The following SLC45A4 variants were observed in gnomAD, a reference collection of about 807,000 sequenced individuals.
SLC45A4 encodes solute carrier family 45 member 4, also known as polyamine-transporter SLC45A4.
Under a neutral mutation model 63.7 loss-of-function variants are expected in SLC45A4, and 32 were observed. That is an observed-to-expected ratio of 0.50 (90% CI 0.38 to 0.67). The LOEUF (loss-of-function observed/expected upper bound fraction) is 0.67. Ranked by LOEUF, SLC45A4 falls within the 30% of genes least tolerant of loss-of-function variation. The pLI is 0.00. For missense variants in SLC45A4, 1,027 were observed against 1,157.7 expected, an observed-to-expected ratio of 0.89 and a Z score of 1.64; for synonymous variants, 535 against 510.0, an observed-to-expected ratio of 1.05 and a Z score of -0.66.
At position 141,218,676 on chromosome 8, in the gene SLC45A4, G is replaced by A; in HGVS notation, c.964C>T (p.Pro322Ser). 6.2e-7 allele frequency: 1 copy of A among 1,613,028 alleles called. No homozygotes were observed. The highest frequency in any genetic ancestry group is 1.3e-5 in the African/African-American group (1 of 75,028). ...HVPDTALDLE[P>S]ELLFLHDIEP... ...ATGTCGTGCAGGAACAGCAGCTCGG[G>A]CTCCAGGTCCAGCGCGGTGTCCGGC... The change falls in exon 5 of 9, where the codon CCC becomes TCC. Residue 322 changes from proline to serine, a missense_variant. Pro to Ser is a moderately conservative substitution (Grantham distance 74). Transcript: ENST00000517878.
At chr8:141,211,901 C>A in intron 8 of SLC45A4, 1 of 1,246,346 alleles carries the variant, frequency 8.0e-7, no homozygotes, top group Non-Finnish European at 1.0e-6. Context: ...AATACACCTG[C>A]AGAATAAAAG....
Position 141,215,919 on chromosome 8 carries a change from T to C in SLC45A4, c.1781A>G (p.Tyr594Cys). Residue 594 changes from tyrosine (Y) to cysteine (C), a missense_variant, in exon 7 of 9, where the codon TAC becomes TGC. Physicochemically the swap from Tyr to Cys is radical, Grantham distance 194. Transcript: ENST00000517878. This position sits in a 1 kb window ranked among gnomAD's most constrained non-coding sequence, Gnocchi z 4.3. ...DNYDLSVRVI[Y>C]VLGTLGFSVG... The stretch of plus-strand genomic sequence containing the variant: ...AGAGAAGCCCAGCGTCCCCAGCACG[T>C]AGATCACCCTGACGCTCAGGTCGTA... 2 of 1,614,112 alleles carry C rather than the reference T, an allele frequency of 1.2e-6. No homozygotes were observed. Among genetic ancestry groups the C allele is most frequent in the South Asian group, 1.1e-5 (1 of 91,084 alleles).
intron 2 of SLC45A4, chr8:141,228,186 A>G (rs189028452): frequency 6.2e-7 from 1 of 1,614,070 alleles, no homozygotes; most frequent in African/African-American, 1.3e-5. Flanking sequence ...AACCTTTCTG[A>G]AGACTCCATT....
chr8:141,228,479 G>T, intron 2 of SLC45A4: 1 of 1,341,974 alleles, frequency 7.5e-7, no homozygotes. Context: ...CAGCTTGTGG[G>T]CACCTGTCTT....
chr8:141,253,843 G>A, intron 2 of SLC45A4, 146 bp downstream of exon 2: 1 of 1,304,060 alleles, frequency 7.7e-7, no homozygotes, highest in Non-Finnish European at 1.0e-6. Flanking sequence ...CACCATCAGG[G>A]CAGGCTGAAG....
chr8:141,251,812 C>G (rs559412433), intron 2 of SLC45A4, among the ~76,000 whole-genome samples: 3 of 151,330 alleles, frequency 2.0e-5, no homozygotes, highest in Non-Finnish European at 2.9e-5. Context: ...GTGACAAGAT[C>G]GAGGGATGGA....
chr8:141,276,900 C>G (rs1041080367), intron 1 of SLC45A4, among the ~76,000 whole-genome samples: 1 of 152,228 alleles, frequency 6.6e-6, no homozygotes, highest in African/African-American at 2.4e-5. Context: ...CTGAAGATAT[C>G]ACGGGCACCT....
chr8:141,280,260 G>A (rs1286203149), intron 1 of SLC45A4, among the ~76,000 whole-genome samples: 2 of 152,200 alleles, frequency 1.3e-5, no homozygotes, highest in Admixed American at 1.3e-4. Context: ...TCACTGGCTC[G>A]TGAGGGCGGG....
chr8:141,295,679 C>CTGAG (rs1311209760), intron 1 of SLC45A4, among the ~76,000 whole-genome samples: 2 of 152,358 alleles, frequency 1.3e-5, no homozygotes, highest in Middle Eastern at 3.4e-3. Flanking sequence ...GCAGCACTGA[C>CTGAG]TGAGGCCCCT....
intron 1 of SLC45A4, among the ~76,000 whole-genome samples, chr8:141,290,795 C>T (rs1563677984): frequency 6.6e-6 from 1 of 152,150 alleles, no homozygotes; most frequent in Non-Finnish European, 1.5e-5. Flanking sequence ...AGGGATGTGG[C>T]GGGGGGGCCT....
rs1212357142 is a variant in SLC45A4, at chr8:141,241,246, CAAG to C, written c.241+12740_241+12742del. On this transcript the variant is annotated intron_variant, in intron 2 of 8. Coordinates refer to ENST00000517878, the MANE Select transcript of SLC45A4 (RefSeq NM_001286646.2). The stretch of plus-strand genomic sequence containing the variant: ...CGGGCAGGCGGAGCAGCAGCACAGC[CAAG>C]AAGGGCGACAGACGGCTCACCGGCA... Among the ~76,000 whole-genome samples the C allele has an allele frequency of 4.6e-5, 7 of 152,374 alleles. No individual in the cohort carries two copies. The East Asian group carries it at 7.7e-4, about 17-fold the overall frequency.
chr8:141,279,502 A>G (rs1289935322), intron 1 of SLC45A4, among the ~76,000 whole-genome samples: 1 of 152,210 alleles, frequency 6.6e-6, no homozygotes, highest in African/African-American at 2.4e-5. Flanking sequence ...GTCTTTGATG[A>G]GGGAGGCCAG....
chr8:141,221,829 G>T, intron 2 of SLC45A4, 64 bp from the exon 3 acceptor site: 3 of 1,566,546 alleles, frequency 1.9e-6, no homozygotes, highest in South Asian at 1.1e-5. Context: ...CAGTTTTCCT[G>T]GGAGCCCCGC....
chr8:141,268,651 CATAA>C (rs1230137403), intron 1 of SLC45A4, among the ~76,000 whole-genome samples: 2 of 152,150 alleles, frequency 1.3e-5, no homozygotes, highest in Non-Finnish European at 2.9e-5. Flanking sequence ...CTTGTATTTA[CATAA>C]ATAAATAAGG....
chr8:141,218,756 A>T lies in SLC45A4; in HGVS notation c.884T>A (p.Leu295Gln), dbSNP rs770286694. ...DEVQSEHELA[L>Q]DYPDVDIMRS... The stretch of plus-strand genomic sequence containing the variant: ...CATGATGTCCACGTCCGGGTAGTCC[A>T]GGGCCAGCTCGTGCTCCGACTGTAC... The change falls in exon 5 of 9, where the codon CTG (leucine) becomes CAG (glutamine). Residue 295 changes from leucine to glutamine, a missense_variant. Transcript: ENST00000517878. The T allele has an allele frequency of 6.8e-6, 11 of 1,613,248 alleles. No homozygotes were observed. In the South Asian group the frequency reaches 1.2e-4, roughly 18 times the overall value.
intron 1 of SLC45A4, among the ~76,000 whole-genome samples, chr8:141,277,615 A>G (rs1038331665): frequency 3.2e-4 from 48 of 152,160 alleles, no homozygotes; most frequent in African/African-American, 1.2e-3. Context: ...CTCTTAAAAA[A>G]AAAAATCTTC....
At chr8:141,262,924 T>C (rs989004214) in intron 1 of SLC45A4, among the ~76,000 whole-genome samples, 4 of 151,518 alleles carry the variant, frequency 2.6e-5, no homozygotes, top group Non-Finnish European at 5.9e-5. Context: ...CATATGTTTA[T>C]TGCAGCACTA....
At chr8:141,284,922 C>A (rs997172359) in intron 1 of SLC45A4, among the ~76,000 whole-genome samples, 1 of 152,154 alleles carries the variant, frequency 6.6e-6, no homozygotes, top group Non-Finnish European at 1.5e-5. Flanking sequence ...AGCTCTGTCC[C>A]AAGCGTCCAC....
chr8:141,242,608 C>T (rs900735399), intron 2 of SLC45A4, among the ~76,000 whole-genome samples: 4 of 152,172 alleles, frequency 2.6e-5, no homozygotes, highest in African/African-American at 7.2e-5. Context: ...CTGCAGCTCC[C>T]GTGGTACATC....
Sources: gnomAD v4.1 joint callset for allele counts (sites outside exome capture counted in the v4.1 genomes callset) on GRCh38, gnomAD v4.1.1 for gene constraint, Gnocchi (gnomAD v3.1) non-coding constraint, MANE v1.5 for transcripts, NCBI Gene and HGNC (gene_info 2026-07-23, HGNC 2026-07-21) for gene names.